SOCS5: variants seen among roughly 807,000 people sequenced by gnomAD.
SOCS5 encodes suppressor of cytokine signaling 5, also known as CIS-6.
A neutral mutation model predicts 42.8 loss-of-function variants in SOCS5; 32 were observed. The ratio of observed to expected loss-of-function variants is 0.75; its 90% CI spans 0.56 to 1.01. The LOEUF is 1.01. SOCS5 is among the 50% of genes least tolerant of loss of function. The probability of loss-of-function intolerance (pLI) is 0.00; values close to 1 mark genes in which losing one functional copy is unlikely to be tolerated. For missense variants in SOCS5, 627 were observed against 653.0 expected, an observed-to-expected ratio of 0.96 and a Z score of 0.43; for synonymous variants, 283 against 229.6, an observed-to-expected ratio of 1.23 and a Z score of -2.10.
At chr2:46,712,679 G>A (rs1261862071) in intron 1 of SOCS5, among the ~76,000 whole-genome samples, 1 of 152,178 alleles carries the variant, frequency 6.6e-6, no homozygotes, top group Non-Finnish European at 1.5e-5. Flanking sequence ...GCACTATTGA[G>A]ACGCTTATGT....
Position 46,759,262 on chromosome 2 carries a change from A to T in SOCS5, c.732A>T (p.Ser244=). 1.2e-6 allele frequency: 2 copies of T among 1,614,050 alleles called. No homozygotes were observed. Among genetic ancestry groups the T allele is most frequent in the Non-Finnish European group, 1.7e-6 (2 of 1,179,886 alleles). The part of the protein sequence containing the change: ...KQHTAPVSPH[S]TFFDTFDPSL... ...ATACAGCTCCTGTGAGCCCACATTC[A>T]ACATTTTTTGATACATTTGATCCAT... The change falls in exon 2 of 2, where the codon TCA becomes TCT. Residue 244 remains serine (S), a synonymous_variant. Coordinates refer to ENST00000394861, the MANE Select transcript of SOCS5 (RefSeq NM_144949.3).
intron 1 of SOCS5, among the ~76,000 whole-genome samples, chr2:46,708,433 C>T (rs79556814): frequency 0.019 from 2,883 of 152,160 alleles, 77 homozygotes; most frequent in African/African-American, 0.061. Flanking sequence ...GTTGGAAATA[C>T]GGGTCTGGAT....
rs1363282515 is a variant in SOCS5, at chr2:46,759,551, C to T, written c.1021C>T (p.Arg341Cys). 4 of 1,613,792 alleles carry T rather than the reference C, an allele frequency of 2.5e-6. No homozygotes were observed. Among genetic ancestry groups the T allele is most frequent in the Non-Finnish European group, 3.4e-6 (4 of 1,179,862 alleles). ...LCLQSRRQKQ[R>C]QISGDSHTHV... ...TTTGCAGTCACGGAGGCAGAAGCAG[C>T]GTCAGATATCTGGAGACAGCCATAC... Residue 341 changes from arginine (R) to cysteine (C), a missense_variant, in exon 2 of 2, where the codon CGT becomes TGT. Arg to Cys is a radical substitution (Grantham distance 180). Transcript: ENST00000394861.
intron 1 of SOCS5, among the ~76,000 whole-genome samples, chr2:46,756,329 G>C (rs535582645): frequency 4.1e-4 from 62 of 152,290 alleles, no homozygotes; most frequent in Middle Eastern, 3.4e-3. Flanking sequence ...AGGTGGATTA[G>C]GGTCAGTAAA....
chr2:46,734,304 G>T (rs1334333009), intron 1 of SOCS5, among the ~76,000 whole-genome samples: 2 of 152,094 alleles, frequency 1.3e-5, no homozygotes, highest in Non-Finnish European at 2.9e-5. Flanking sequence ...TAAAAGCACT[G>T]ATTTTTCTTT....
intron 1 of SOCS5, among the ~76,000 whole-genome samples, chr2:46,740,717 A>G (rs1302001867): frequency 6.6e-6 from 1 of 151,932 alleles, no homozygotes; most frequent in African/African-American, 2.4e-5. Context: ...CCAGAGTTCT[A>G]GAATGAGGAT....
intron 1 of SOCS5, among the ~76,000 whole-genome samples, chr2:46,751,553 G>C (rs2103756132): frequency 6.6e-6 from 1 of 152,186 alleles, no homozygotes; most frequent in East Asian, 1.9e-4. Flanking sequence ...TTATCTCTAG[G>C]TGGTGGGACT....
At position 46,708,877 on chromosome 2, in the gene SOCS5, A is replaced by G. The variant is rs116441863; in HGVS notation, c.-13+9428A>G. Among the ~76,000 whole-genome samples, 646 of 136,162 alleles carry G rather than the reference A, an allele frequency of 4.7e-3. 12 individuals carry two copies. Among genetic ancestry groups the G allele is most frequent in the Middle Eastern group, 0.027 (7 of 260 alleles). 89.3% of individuals were successfully genotyped at this position (136,162 alleles called of 152,430 possible). ...TCTCTGAACAGATACTGAATCCTGAAGCCTTTTTTTTTTTTTTTTTTTTTT... is the reference window on the plus strand; with the variant it reads ...TCTCTGAACAGATACTGAATCCTGAGGCCTTTTTTTTTTTTTTTTTTTTTT... On this transcript the variant is annotated intron_variant, in intron 1 of 1. Coordinates refer to ENST00000394861, the MANE Select transcript of SOCS5 (RefSeq NM_144949.3).
At chr2:46,752,398 C>G (rs1024020708) in intron 1 of SOCS5, among the ~76,000 whole-genome samples, 5 of 152,142 alleles carry the variant, frequency 3.3e-5, no homozygotes, top group African/African-American at 1.2e-4. Flanking sequence ...TTGGGGACTG[C>G]TGTTTTAGAA....
At chr2:46,729,195 C>T (rs959537156) in intron 1 of SOCS5, among the ~76,000 whole-genome samples, 3 of 152,124 alleles carry the variant, frequency 2.0e-5, no homozygotes, top group Non-Finnish European at 4.4e-5. Context: ...ATGCTATATG[C>T]TAAAATCTAA....
At chr2:46,745,614 C>T (rs1320955375) in intron 1 of SOCS5, among the ~76,000 whole-genome samples, 2 of 152,012 alleles carry the variant, frequency 1.3e-5, no homozygotes, top group Admixed American at 6.6e-5. Context: ...TTTAAAAATT[C>T]TAATATTAAA....
intron 1 of SOCS5, among the ~76,000 whole-genome samples, chr2:46,718,502 A>G (rs1672803850): frequency 6.6e-6 from 1 of 152,214 alleles, no homozygotes; most frequent in African/African-American, 2.4e-5. Flanking sequence ...CCCAAAGTTT[A>G]CCAGTTATAT....
chr2:46,753,574 A>G (rs1273142231), intron 1 of SOCS5, among the ~76,000 whole-genome samples: 1 of 152,198 alleles, frequency 6.6e-6, no homozygotes, highest in South Asian at 2.1e-4. Flanking sequence ...GACCTTGCGC[A>G]ACAAAGAATT....
chr2:46,710,345 C>T (rs1672589953), intron 1 of SOCS5, among the ~76,000 whole-genome samples: 1 of 152,090 alleles, frequency 6.6e-6, no homozygotes, highest in African/African-American at 2.4e-5. Context: ...TGGGGTTTCA[C>T]CACGTTGGTT....
At chr2:46,754,647 T>C (rs996418371) in intron 1 of SOCS5, among the ~76,000 whole-genome samples, 5 of 152,118 alleles carry the variant, frequency 3.3e-5, no homozygotes, top group African/African-American at 9.7e-5. Context: ...TACACTGTAA[T>C]AGTGTAACTC....
chr2:46,734,674 T>C (rs994567696), intron 1 of SOCS5, among the ~76,000 whole-genome samples: 2 of 150,850 alleles, frequency 1.3e-5, no homozygotes, highest in Non-Finnish European at 3.0e-5. Flanking sequence ...AGAAATAAGA[T>C]TTTTTTTTTC....
At chr2:46,747,245 G>T (rs960833157) in intron 1 of SOCS5, among the ~76,000 whole-genome samples, 10 of 151,724 alleles carry the variant, frequency 6.6e-5, no homozygotes, top group Non-Finnish European at 1.3e-4. Context: ...TTTTGAGACA[G>T]GATTTTGCTC....
chr2:46,753,561 TTGGACCTTG>T (rs1673671868), intron 1 of SOCS5, among the ~76,000 whole-genome samples: 5 of 152,194 alleles, frequency 3.3e-5, no homozygotes, highest in Admixed American at 2.6e-4. Flanking sequence ...GAGAGGGTTC[TTGGACCTTG>T]CGCAACAAAG....
At chr2:46,748,317 C>T (rs748207609) in intron 1 of SOCS5, among the ~76,000 whole-genome samples, 16 of 151,896 alleles carry the variant, frequency 1.1e-4, no homozygotes, top group African/African-American at 3.1e-4. Flanking sequence ...TCATGAGTCG[C>T]TGGGACCACA....
Sources: allele counts gnomAD v4.1 joint callset (sites outside exome capture counted in the v4.1 genomes callset), GRCh38; gene constraint gnomAD v4.1.1; transcripts MANE v1.5; gene names NCBI Gene and HGNC (gene_info 2026-07-23, HGNC 2026-07-21).